The following MMS22L variants were observed in gnomAD, a reference collection of about 807,000 sequenced individuals.
MMS22L encodes MMS22 like, DNA repair protein, also known as protein MMS22-like.
A neutral mutation model predicts 159.1 loss-of-function variants in MMS22L; 74 were observed. That is an observed-to-expected ratio of 0.47 (90% CI 0.39 to 0.56). MMS22L has a LOEUF of 0.56. Among genes scored for constraint, MMS22L ranks in the 20% least tolerant of loss-of-function variants. The probability of loss-of-function intolerance (pLI) is 0.00; values close to 1 mark genes in which losing one functional copy is unlikely to be tolerated. For synonymous variants in MMS22L, 517 were observed against 506.9 expected (o/e 1.02, Z -0.27); for missense variants, 1,351 against 1,422.1 (o/e 0.95, Z 0.80).
At chr6:97,211,697 C>A (rs1351515139) in intron 14 of MMS22L, among the ~76,000 whole-genome samples, 2 of 152,026 alleles carry the variant, frequency 1.3e-5, no homozygotes, top group Non-Finnish European at 2.9e-5. Context: ...TCTCTGACAC[C>A]TAATGTCAGA....
At chr6:97,214,544 A>T (rs1043481805) in intron 14 of MMS22L, among the ~76,000 whole-genome samples, 9 of 152,192 alleles carry the variant, frequency 5.9e-5, no homozygotes, top group Non-Finnish European at 1.2e-4. Flanking sequence ...ATAACTTTTT[A>T]AAAAATCCAT....
At chr6:97,191,907 C>G (rs527344972) in intron 14 of MMS22L, among the ~76,000 whole-genome samples, 7 of 152,266 alleles carry the variant, frequency 4.6e-5, no homozygotes, top group African/African-American at 1.7e-4. Flanking sequence ...TCCAAAAAAT[C>G]ATCAATCCAA....
rs200098627 is a variant in MMS22L at position 97,281,190 on chromosome 6, A to C, written c.290+47T>G. 3.4e-5 allele frequency: 53 copies of C among 1,550,324 alleles called. No homozygotes were observed. The African/African-American group carries it at 6.8e-4, about 20-fold the overall frequency. On this transcript the variant is annotated intron_variant, in intron 3 of 24. Transcript: ENST00000683635. ...AAGCCACCCAACAACGTAATTTACA[A>C]AAGTGAACAACACCTACACTCACAG...
chr6:97,221,058 T>C (rs1214711051), intron 14 of MMS22L, among the ~76,000 whole-genome samples: 3 of 151,994 alleles, frequency 2.0e-5, no homozygotes, highest in Non-Finnish European at 4.4e-5. Context: ...ATGAGTTCTT[T>C]TGAAAACAAT....
chr6:97,234,025 A>G (rs1347136102), intron 11 of MMS22L, 45 bp from the exon 12 acceptor site: 1 of 1,576,520 alleles, frequency 6.3e-7, no homozygotes. Flanking sequence ...GGGCTCTGGC[A>G]ATATAAACAT....
intron 22 of MMS22L, 103 bp from the exon 23 acceptor site, chr6:97,151,970 A>C: frequency 1.2e-6 from 1 of 822,968 alleles, no homozygotes; most frequent in Non-Finnish European, 2.0e-6. Flanking sequence ...TGTTTTCTTA[A>C]AGTATGTACA....
chr6:97,196,980 C>T (rs550346851), intron 14 of MMS22L, among the ~76,000 whole-genome samples: 58 of 152,202 alleles, frequency 3.8e-4, no homozygotes, highest in South Asian at 2.7e-3. Flanking sequence ...CCATAAGCTT[C>T]GGTGCTGACC....
intron 14 of MMS22L, among the ~76,000 whole-genome samples, chr6:97,213,574 C>T (rs956254932): frequency 3.9e-5 from 6 of 152,002 alleles, no homozygotes; most frequent in Non-Finnish European, 5.9e-5. Flanking sequence ...CCTTTGCAGA[C>T]GAAGGGTAGG....
In MMS22L at chr6:97,143,680, C is replaced by T. The variant is rs1800741261; in HGVS notation, c.*3126G>A. On this transcript the variant is annotated 3_prime_UTR_variant, in exon 25 of 25. Coordinates refer to ENST00000683635, the MANE Select transcript of MMS22L (RefSeq NM_001350599.2). ...CTGAAAGTGGGAGAAACATGAAGAA[C>T]CTAAAATGCCTCTGACATTTCAAGG... 6.6e-6 allele frequency: 1 copy of T among 152,084 alleles called. No individual in the cohort carries two copies. The highest frequency in any genetic ancestry group is 1.9e-4 in the East Asian group (1 of 5,184). The allele number at this position is 152,084 out of a possible 1,614,324, so 9.4% of individuals were successfully genotyped here.
At chr6:97,246,095 A>C in intron 11 of MMS22L, 1 of 418,454 alleles carries the variant, frequency 2.4e-6, no homozygotes, top group South Asian at 1.8e-5. Context: ...CAGCATGTTT[A>C]AAACTATTTT....
intron 10 of MMS22L, among the ~76,000 whole-genome samples, chr6:97,249,002 G>A (rs967436093): frequency 6.6e-6 from 1 of 151,288 alleles, no homozygotes; most frequent in Non-Finnish European, 1.5e-5. Context: ...AGAGAGTGAA[G>A]GCTGGACACA....
At chr6:97,173,394 A>G (rs184260450) in intron 18 of MMS22L, among the ~76,000 whole-genome samples, 172 bp from the exon 19 acceptor site, 77 of 152,338 alleles carry the variant, frequency 5.1e-4, no homozygotes, top group African/African-American at 1.7e-3. Flanking sequence ...ACAAGTAAAA[A>G]GAATTAAGTC....
chr6:97,144,023 C>A lies in MMS22L; in HGVS notation c.*2783G>T, dbSNP rs1477823273. 6.9e-6 allele frequency: 1 copy of A among 145,818 alleles called. No homozygotes were observed. The highest frequency in any genetic ancestry group is 2.0e-4 in the East Asian group (1 of 4,958). The allele number at this position is 145,818 out of a possible 1,614,324, so 9.0% of individuals were successfully genotyped here. On this transcript the variant is annotated 3_prime_UTR_variant, in exon 25 of 25. Transcript: ENST00000683635. The stretch of plus-strand genomic sequence containing the variant: ...GCGTGAACCCGGGAGGCAGAGCTTG[C>A]AGTGAGCCGAGATCGTGCCACTGCA...
At chr6:97,234,727 A>C (rs1282045284) in intron 11 of MMS22L, among the ~76,000 whole-genome samples, 1 of 152,228 alleles carries the variant, frequency 6.6e-6, no homozygotes, top group Non-Finnish European at 1.5e-5. Flanking sequence ...CTGCTGTGAA[A>C]ATGAAACAAA....
chr6:97,176,811 T>C (rs1416343396), intron 18 of MMS22L, among the ~76,000 whole-genome samples: 2 of 152,188 alleles, frequency 1.3e-5, no homozygotes, highest in African/African-American at 2.4e-5. Context: ...TTCAGACTTT[T>C]CCTCATGCAT....
At chr6:97,229,692 C>T (rs1267903562) in intron 13 of MMS22L, among the ~76,000 whole-genome samples, 2 of 152,130 alleles carry the variant, frequency 1.3e-5, no homozygotes, top group Non-Finnish European at 2.9e-5. Context: ...TCCTTTTATT[C>T]AAGTCCCCCA....
At chr6:97,154,023 C>A (rs1462829810) in intron 22 of MMS22L, among the ~76,000 whole-genome samples, 1 of 152,030 alleles carries the variant, frequency 6.6e-6, no homozygotes, top group Non-Finnish European at 1.5e-5. Context: ...CCATATTTAA[C>A]CGCTTGAGGA....
chr6:97,178,307 T>TTA (rs71545725), intron 18 of MMS22L, 136 bp downstream of exon 18: 22,900 of 645,536 alleles, frequency 0.035, 470 homozygotes, highest in Middle Eastern at 0.052. Flanking sequence ...CTCCAGAACT[T>TTA]TATAATAGCA....
intron 14 of MMS22L, among the ~76,000 whole-genome samples, chr6:97,190,167 T>C (rs527884413): frequency 6.6e-6 from 1 of 152,318 alleles, no homozygotes; most frequent in South Asian, 2.1e-4. Flanking sequence ...GCTCTGTCAC[T>C]AGAGGTAACA....
Sources: allele counts gnomAD v4.1 joint callset (sites outside exome capture counted in the v4.1 genomes callset), GRCh38; gene constraint gnomAD v4.1.1; transcripts MANE v1.5; gene names NCBI Gene and HGNC (gene_info 2026-07-23, HGNC 2026-07-21).